LPP: variants seen among roughly 807,000 people sequenced by gnomAD.
LPP encodes LIM domain containing preferred translocation partner in lipoma.
Under a neutral mutation model 60.4 loss-of-function variants are expected in LPP, and 38 were observed. The ratio of observed to expected loss-of-function variants is 0.63; its 90% CI spans 0.49 to 0.83. The LOEUF (loss-of-function observed/expected upper bound fraction) is 0.83, where lower values mean the gene tolerates loss of function less well. LPP is among the 40% of genes least tolerant of loss of function. LPP has a pLI of 0.00. For missense variants in LPP, 902 were observed against 783.6 expected (o/e 1.15, Z -1.80); for synonymous variants, 328 against 290.8 (o/e 1.13, Z -1.30).
In LPP at chr3:188,857,321, G is replaced by A. The variant is rs73888949; in HGVS notation, c.1411-8879G>A. On this transcript the variant is annotated intron_variant, in intron 9 of 11. Coordinates refer to ENST00000617246, the MANE Select transcript of LPP (RefSeq NM_001375462.1). ...AATTGCCTTTATACAGAATAACGGAGAAAGATATCTGAGAAACTTGTTAAT... is the reference window on the plus strand; with the variant it reads ...AATTGCCTTTATACAGAATAACGGAAAAAGATATCTGAGAAACTTGTTAAT... 8.4e-3 allele frequency among the ~76,000 whole-genome samples: 1,284 copies of A among 152,318 alleles called. 15 individuals carry two copies. The highest frequency in any genetic ancestry group is 0.029 in the African/African-American group (1,215 of 41,570).
In LPP at chr3:188,862,712, C is replaced by CAAAAAAA. The variant is rs140751676; in HGVS notation, c.1411-3487_1411-3481dup. Among the ~76,000 whole-genome samples the CAAAAAAA allele has an allele frequency of 5.4e-4, 30 of 55,500 alleles. 1 individual carries two copies. Among genetic ancestry groups the CAAAAAAA allele is most frequent in the East Asian group, 1.4e-3 (1 of 694 alleles). 36.4% of individuals were successfully genotyped at this position (55,500 alleles called of 152,430 possible). ...TATCAATGCTGGCAACCCTACTAGA[C>CAAAAAAA]AAAAAAATAAATAAATAAATAAATA... On this transcript the variant is annotated intron_variant, in intron 9 of 11. Coordinates refer to ENST00000617246, the MANE Select transcript of LPP (RefSeq NM_001375462.1).
At chr3:188,699,855 G>T (rs1227652319) in intron 7 of LPP, among the ~76,000 whole-genome samples, 1 of 152,160 alleles carries the variant, frequency 6.6e-6, no homozygotes, top group Non-Finnish European at 1.5e-5. Flanking sequence ...GTGAGATGTT[G>T]AGAGTAGAGT....
At chr3:188,226,291 G>C (rs549049080) in intron 2 of LPP, among the ~76,000 whole-genome samples, 1 of 152,312 alleles carries the variant, frequency 6.6e-6, no homozygotes, top group South Asian at 2.1e-4. Context: ...TTATAGGTGT[G>C]AGCCACTGCG....
chr3:188,451,052 T>C (rs1296382701), intron 4 of LPP, among the ~76,000 whole-genome samples: 1 of 152,162 alleles, frequency 6.6e-6, no homozygotes, highest in Non-Finnish European at 1.5e-5. Context: ...TTTTTGTTTT[T>C]TGTTTTTGTT....
intron 1 of LPP, among the ~76,000 whole-genome samples, chr3:188,170,797 C>A (rs915269749): frequency 3.3e-5 from 5 of 152,142 alleles, no homozygotes; most frequent in Non-Finnish European, 5.9e-5. Flanking sequence ...TCATCTTCTT[C>A]ATCTAAGGCA....
intron 6 of LPP, among the ~76,000 whole-genome samples, chr3:188,543,889 G>A (rs1020992138): frequency 5.3e-5 from 8 of 152,162 alleles, no homozygotes; most frequent in African/African-American, 1.7e-4. Context: ...ACAAAAGAGA[G>A]TGAGGTTAGA....
intron 6 of LPP, chr3:188,562,089 AC>A (rs1830859181): frequency 6.6e-6 from 1 of 151,940 alleles, no homozygotes; most frequent in African/African-American, 2.4e-5. Context: ...ACACACACAT[AC>A]AAACACACAC....
chr3:188,406,149 A>G lies in LPP; in HGVS notation c.29A>G (p.Lys10Arg), dbSNP rs1783437801. Residue 10 changes from lysine (K) to arginine (R), a missense_variant, in exon 4 of 12, where the codon AAA becomes AGA. Lys to Arg is a conservative substitution (Grantham distance 26). Transcript: ENST00000617246. MSHPSWLPPKSTGEPLGHVP... is the reference protein window; with the variant it reads MSHPSWLPPRSTGEPLGHVP... ...TCTCACCCATCTTGGCTGCCACCCA[A>G]AAGCACTGGTGAGCCCCTCGGCCAT... The G allele has an allele frequency of 1.9e-6, 3 of 1,613,486 alleles. No individual in the cohort carries two copies. Among genetic ancestry groups the G allele is most frequent in the East Asian group, 2.2e-5 (1 of 44,872 alleles).
chr3:188,205,811 A>G (rs1733044098), intron 1 of LPP, among the ~76,000 whole-genome samples: 1 of 152,178 alleles, frequency 6.6e-6, no homozygotes, highest in African/African-American at 2.4e-5. Flanking sequence ...AGACTCCAGG[A>G]GTCATCTTGA....
chr3:188,306,183 C>T (rs746036450), intron 2 of LPP, among the ~76,000 whole-genome samples: 4 of 151,976 alleles, frequency 2.6e-5, no homozygotes, highest in South Asian at 2.1e-4. Context: ...TGAGTTCAAG[C>T]GATTCTCCTG....
At chr3:188,241,136 T>G (rs148837873) in intron 2 of LPP, among the ~76,000 whole-genome samples, 1 of 152,300 alleles carries the variant, frequency 6.6e-6, no homozygotes, top group African/African-American at 2.4e-5. Context: ...GCAAGAATGA[T>G]AAGTGGTCAT....
chr3:188,599,034 T>G (rs115848074), intron 6 of LPP, among the ~76,000 whole-genome samples: 6 of 152,250 alleles, frequency 3.9e-5, no homozygotes, highest in Admixed American at 6.6e-5. Context: ...ACTACATTTC[T>G]AGATGATAGA....
intron 2 of LPP, among the ~76,000 whole-genome samples, chr3:188,243,473 G>A (rs1019949441): frequency 1.3e-5 from 2 of 152,188 alleles, no homozygotes; most frequent in East Asian, 1.9e-4. Context: ...TCAGAAGGCC[G>A]GATCTGGGAA....
chr3:188,748,513 G>A (rs1377550085), intron 8 of LPP, among the ~76,000 whole-genome samples: 2 of 152,162 alleles, frequency 1.3e-5, no homozygotes, highest in African/African-American at 4.8e-5. Context: ...GCCGGGCACA[G>A]CGGCTCACAC....
intron 2 of LPP, among the ~76,000 whole-genome samples, chr3:188,318,983 C>T (rs982427419): frequency 6.6e-6 from 1 of 151,842 alleles, no homozygotes; most frequent in African/African-American, 2.4e-5. Context: ...TGGTCTCGAT[C>T]TCCTGACCTC....
At chr3:188,791,120 T>C (rs1269656216) in intron 9 of LPP, among the ~76,000 whole-genome samples, 1 of 152,152 alleles carries the variant, frequency 6.6e-6, no homozygotes, top group East Asian at 1.9e-4. Context: ...TCATGAAATG[T>C]AGGCCTCAGA....
chr3:188,801,986 G>A lies in LPP; in HGVS notation c.1410+41704G>A, dbSNP rs114605915. On this transcript the variant is annotated intron_variant, in intron 9 of 11. Coordinates refer to ENST00000617246, the MANE Select transcript of LPP (RefSeq NM_001375462.1). ...TTTTAGCATATTCCCGTATCATGTA[G>A]ACCAGTGTTAATATTTTTAGTATTT... is the stretch of plus-strand genomic sequence containing the variant. 4.7e-3 allele frequency among the ~76,000 whole-genome samples: 714 copies of A among 152,198 alleles called. 12 individuals carry two copies. Among genetic ancestry groups the A allele is most frequent in the African/African-American group, 0.015 (640 of 41,522 alleles).
At chr3:188,224,155 A>G (rs779543448) in intron 1 of LPP, among the ~76,000 whole-genome samples, 1 of 152,100 alleles carries the variant, frequency 6.6e-6, no homozygotes, top group East Asian at 1.9e-4. Context: ...GCAAGCAGTC[A>G]CTTGATCCAG....
rs906237075 is a variant in LPP, at chr3:188,499,846, A to C, written c.306+15142A>C. Among the ~76,000 whole-genome samples, 10 of 152,158 alleles carry C rather than the reference A, an allele frequency of 6.6e-5. No homozygotes were observed. The East Asian group carries it at 1.9e-3, about 29-fold the overall frequency. The stretch of plus-strand genomic sequence containing the variant: ...AACTATTTATTCACGTTAATTTCTA[A>C]GTATTTTGTCTTTTATTTTTTGATG... On this transcript the variant is annotated intron_variant, in intron 5 of 11. Transcript: ENST00000617246.
Sources: allele counts gnomAD v4.1 joint callset (sites outside exome capture counted in the v4.1 genomes callset), GRCh38; gene constraint gnomAD v4.1.1; transcripts MANE v1.5; gene names NCBI Gene and HGNC (gene_info 2026-07-23, HGNC 2026-07-21).